The following CNKSR2 variants were observed in gnomAD, a reference collection of about 807,000 sequenced individuals.
CNKSR2 encodes CNK homolog protein 2.
In CNKSR2, 14 loss-of-function variants were observed where a neutral mutation model predicts 84.4. The observed-to-expected ratio is 0.17, with a 90% confidence interval of 0.11 to 0.26. The LOEUF (loss-of-function observed/expected upper bound fraction) is 0.26. Among genes scored for constraint, CNKSR2 ranks in the 10% least tolerant of loss-of-function variants. The pLI is 1.00. For missense variants in CNKSR2, 485 were observed against 771.2 expected (o/e 0.63, Z 4.40); for synonymous variants, 275 against 277.9 (o/e 0.99, Z 0.10).
In CNKSR2 at chrX:21,648,852, T is replaced by C; in HGVS notation, c.2714T>C (p.Leu905Ser). Residue 905 changes from leucine (L) to serine (S), a missense_variant, in exon 21 of 22, where the codon TTA (leucine) becomes TCA (serine). Transcript: ENST00000379510. ...GEKSESREEK[L>S]GDSLQDLYRA... is the part of the protein sequence containing the mutation. Reference sequence around the variant, plus strand: ...GCAGGTGAAAGCAGAGAAGAAAAGTTAGGAGACTCATTGCAAGATTTATAC... The same window carrying C: ...GCAGGTGAAAGCAGAGAAGAAAAGTCAGGAGACTCATTGCAAGATTTATAC... 1 of 1,152,784 alleles carries C rather than the reference T, an allele frequency of 8.7e-7. No homozygotes were observed. Among genetic ancestry groups the C allele is most frequent in the Non-Finnish European group, 1.2e-6 (1 of 867,204 alleles).
chrX:21,415,692 G>A (rs1308862881), intron 1 of CNKSR2, among the ~76,000 whole-genome samples: 2 of 103,109 alleles, frequency 1.9e-5, no homozygotes, highest in Non-Finnish European at 4.0e-5. Context: ...TGTAAATGAC[G>A]AGTTAATGGG....
At chrX:21,440,202 A>T (rs1285086323) in intron 3 of CNKSR2, among the ~76,000 whole-genome samples, 4 of 111,210 alleles carry the variant, frequency 3.6e-5, no homozygotes, top group Non-Finnish European at 7.6e-5. Context: ...TGCCTATCTC[A>T]TAATAGTTGT....
chrX:21,548,551 C>T (rs781368817), intron 11 of CNKSR2, among the ~76,000 whole-genome samples: 1 of 111,698 alleles, frequency 9.0e-6, no homozygotes, highest in Admixed American at 9.5e-5. Context: ...AAAAGAGGGA[C>T]TCCTCCCTAA....
At chrX:21,599,942 A>ATG (rs1038208346) in intron 17 of CNKSR2, among the ~76,000 whole-genome samples, 4 of 109,038 alleles carry the variant, frequency 3.7e-5, no homozygotes, top group South Asian at 3.9e-4. Flanking sequence ...AATTTTCTGG[A>ATG]TGTGTGTGTG....
chrX:21,448,239 G>T (rs1288297522), intron 4 of CNKSR2, among the ~76,000 whole-genome samples: 2 of 111,476 alleles, frequency 1.8e-5, no homozygotes, highest in Non-Finnish European at 3.8e-5. Context: ...AAAGGAGTCT[G>T]GTTAGTTTTC....
At chrX:21,533,383 A>G (rs111635371) in intron 11 of CNKSR2, among the ~76,000 whole-genome samples, 2,485 of 110,457 alleles carry the variant, frequency 0.022, 75 homozygotes, top group African/African-American at 0.075. Flanking sequence ...GCCTATTACC[A>G]AATAGGCAGT....
intron 8 of CNKSR2, chrX:21,504,968 C>G (rs992352515): frequency 3.6e-6 from 1 of 281,346 alleles, no homozygotes; most frequent in Admixed American, 6.3e-5. Context: ...ATTTTTTCCA[C>G]TTCATCTGCC....
At chrX:21,485,835 A>G (rs1361468927) in intron 5 of CNKSR2, among the ~76,000 whole-genome samples, 2 of 112,314 alleles carry the variant, frequency 1.8e-5, no homozygotes, top group Non-Finnish European at 3.8e-5. Context: ...AGATAAATAT[A>G]ATTTAAAATA....
chrX:21,619,362 C>T (rs1374153308), intron 20 of CNKSR2, among the ~76,000 whole-genome samples: 1 of 111,955 alleles, frequency 8.9e-6, no homozygotes, highest in Non-Finnish European at 1.9e-5. Context: ...GGAATATTAG[C>T]AGAGCATTAA....
At chrX:21,608,482 C>T (rs1439802633) in intron 19 of CNKSR2, among the ~76,000 whole-genome samples, 1 of 111,786 alleles carries the variant, frequency 8.9e-6, no homozygotes, top group Non-Finnish European at 1.9e-5. Flanking sequence ...TATCTATGCT[C>T]AAGGCTAATG....
At chrX:21,612,494 A>G (rs148028886) in intron 20 of CNKSR2, among the ~76,000 whole-genome samples, 1 of 112,461 alleles carries the variant, frequency 8.9e-6, no homozygotes, top group African/African-American at 3.2e-5. Flanking sequence ...TGCAGAGGAA[A>G]TAAGTTTAAT....
At chrX:21,578,617 A>G (rs1157378093) in intron 13 of CNKSR2, among the ~76,000 whole-genome samples, 2 of 108,253 alleles carry the variant, frequency 1.8e-5, no homozygotes, top group East Asian at 2.9e-4. Flanking sequence ...TGCTGAGCAC[A>G]TACTAGCTAT....
At chrX:21,628,946 T>C (rs1372011536) in intron 20 of CNKSR2, among the ~76,000 whole-genome samples, 1 of 112,491 alleles carries the variant, frequency 8.9e-6, no homozygotes, top group African/African-American at 3.2e-5. Flanking sequence ...CTGCAAATTT[T>C]CCAAACTTTT....
Position 21,609,186 on chromosome X carries a change from C to T in CNKSR2, c.2261C>T (p.Ala754Val), listed in dbSNP as rs1283129014. The T allele has an allele frequency of 8.3e-7, 1 of 1,207,303 alleles. No homozygotes were observed. Among genetic ancestry groups the T allele is most frequent in the Non-Finnish European group, 1.1e-6 (1 of 892,969 alleles). ...CGCCAGGAAGTAACTGGGAGCAGTG[C>T]AGTGTCTCCCATTCGCAAGACAGCC... ...EFRQEVTGSS[A>V]VSPIRKTASQ... The change falls in exon 20 of 22, where the codon GCA (alanine) becomes GTA (valine). Residue 754 changes from alanine to valine, a missense_variant. By Grantham distance (64) the Ala-to-Val change is moderately conservative. Coordinates refer to ENST00000379510, the MANE Select transcript of CNKSR2 (RefSeq NM_014927.5).
At chrX:21,547,139 G>C (rs1446963153) in intron 11 of CNKSR2, among the ~76,000 whole-genome samples, 1 of 111,253 alleles carries the variant, frequency 9.0e-6, no homozygotes, top group Non-Finnish European at 1.9e-5. Flanking sequence ...CTGGCAAATT[G>C]GATAAAGAGT....
At chrX:21,546,753 G>C (rs1323343162) in intron 11 of CNKSR2, among the ~76,000 whole-genome samples, 1 of 111,399 alleles carries the variant, frequency 9.0e-6, no homozygotes, top group Non-Finnish European at 1.9e-5. Flanking sequence ...CTACAAGCCA[G>C]AAGAGAGTGG....
At chrX:21,505,079 T>C in intron 8 of CNKSR2, 1 of 221,250 alleles carries the variant, frequency 4.5e-6, no homozygotes, top group Non-Finnish European at 8.2e-6. Flanking sequence ...ATGAGACTAC[T>C]TATAGTTATT....
intron 6 of CNKSR2, chrX:21,495,311 A>G (rs1023110860): frequency 8.9e-6 from 1 of 111,743 alleles, no homozygotes; most frequent in East Asian, 2.8e-4. Context: ...AGTTTCCACT[A>G]CATAGACTAT....
chrX:21,508,735 A>G (rs1341644718), intron 8 of CNKSR2, among the ~76,000 whole-genome samples: 2 of 111,959 alleles, frequency 1.8e-5, no homozygotes, highest in African/African-American at 6.5e-5. Context: ...GCTTATCACA[A>G]AAGTCAAGAC....
Sources: gnomAD v4.1 joint callset for allele counts (sites outside exome capture counted in the v4.1 genomes callset) on GRCh38, gnomAD v4.1.1 for gene constraint, MANE v1.5 for transcripts, NCBI Gene and HGNC (gene_info 2026-07-23, HGNC 2026-07-21) for gene names.